The following MEN1 variants were observed in gnomAD, a reference collection of about 807,000 sequenced individuals.
MEN1 encodes menin 1.
In MEN1, 6 loss-of-function variants were observed where a neutral mutation model predicts 58.0. That is an observed-to-expected ratio of 0.10 (90% confidence interval 0.06 to 0.20). The LOEUF (loss-of-function observed/expected upper bound fraction) is 0.20. MEN1 is among the 10% of genes least tolerant of loss of function. MEN1 has a pLI of 1.00. For synonymous variants in MEN1, 346 were observed against 350.7 expected, an observed-to-expected ratio of 0.99 and a Z score of 0.15; for missense variants, 492 against 818.5, an observed-to-expected ratio of 0.60 and a Z score of 4.87.
At position 64,804,839 on chromosome 11, in the gene MEN1, G is replaced by A. The variant is rs977303482; in HGVS notation, c.1351-23C>T. ...CACCTGGGCCAGTGGGGAGAGCAAG[G>A]TGAGAGCAAGGTTGCCGGCCAGTGG... is the stretch of plus-strand genomic sequence containing the variant. On this transcript the variant is annotated intron_variant, in intron 9 of 9. Coordinates refer to ENST00000450708, the MANE Select transcript of MEN1 (RefSeq NM_001370259.2). This position sits in a 1 kb window ranked among gnomAD's most constrained non-coding sequence, Gnocchi z 4.2. 1.9e-6 allele frequency: 3 copies of A among 1,596,562 alleles called. No homozygotes were observed. Among genetic ancestry groups the A allele is most frequent in the Non-Finnish European group, 2.5e-6 (3 of 1,178,774 alleles).
chr11:64,804,002 G>T lies in MEN1; in HGVS notation c.*332C>A. ...CTGGGAGGAGCCCTGAGTAACGTTG[G>T]TCTGGCTCTAGGTGAGCGGTTCCGA... On this transcript the variant is annotated 3_prime_UTR_variant, in exon 10 of 10. Coordinates refer to ENST00000450708, the MANE Select transcript of MEN1 (RefSeq NM_001370259.2). This position sits in a 1 kb window ranked among gnomAD's most constrained non-coding sequence, Gnocchi z 4.2. 2.3e-6 allele frequency: 1 copy of T among 439,114 alleles called. No homozygotes were observed. The highest frequency in any genetic ancestry group is 4.2e-6 in the Non-Finnish European group (1 of 237,784). The allele number at this position is 439,114 out of a possible 1,614,324, so 27.2% of individuals were successfully genotyped here.
At chr11:64,805,550 C>T in intron 8 of MEN1, 85 bp downstream of exon 8, 3 of 1,547,376 alleles carry the variant, frequency 1.9e-6, no homozygotes, top group South Asian at 1.1e-5. Flanking sequence ...CATCCCTAAT[C>T]CCGTACATGC....
rs1318120851 is a variant in MEN1 at position 64,807,355 on chromosome 11, C to T, written c.784-136G>A. The T allele has an allele frequency of 8.7e-7, 1 of 1,154,238 alleles. No homozygotes were observed. The highest frequency in any genetic ancestry group is 1.5e-5 in the African/African-American group (1 of 65,736). 71.5% of individuals were successfully genotyped at this position (1,154,238 alleles called of 1,614,324 possible). On this transcript the variant is annotated intron_variant, in intron 4 of 9. Coordinates refer to ENST00000450708, the MANE Select transcript of MEN1 (RefSeq NM_001370259.2). The surrounding 1 kb of genome is among the most constrained non-coding windows in gnomAD (Gnocchi z 4.9). ...AAGGGCCAAAATTCTGGGACCAGCC[C>T]TTTAATGGAGTCAAAGCAATTTCAC... is the stretch of plus-strand genomic sequence containing the variant.
In MEN1 at chr11:64,807,874, G is replaced by C. The variant is rs764070489; in HGVS notation, c.654+17C>G. On this transcript the variant is annotated intron_variant, in intron 3 of 9. Transcript: ENST00000450708. This position sits in a 1 kb window ranked among gnomAD's most constrained non-coding sequence, Gnocchi z 4.9. ...CTACAGTATGAAGGGGACAAGGCTGGGGGGAGGGAACAATACCCGCTCAGC... is the reference window on the plus strand; with the variant it reads ...CTACAGTATGAAGGGGACAAGGCTGCGGGGAGGGAACAATACCCGCTCAGC... 2 of 1,613,732 alleles carry C rather than the reference G, an allele frequency of 1.2e-6. No homozygotes were observed. The highest frequency in any genetic ancestry group is 1.7e-6 in the Non-Finnish European group (2 of 1,179,808).
Position 64,807,424 on chromosome 11 carries a change from A to G in MEN1, c.783+128T>C, listed in dbSNP as rs1941809354. ...CAAGAGCCCTGGGAAAGGCCAGGCC[A>G]GGAATTACTAACCCATTTTTCCAGG... On this transcript the variant is annotated intron_variant, in intron 4 of 9. Transcript: ENST00000450708. This position sits in a 1 kb window ranked among gnomAD's most constrained non-coding sequence, Gnocchi z 4.9. The G allele has an allele frequency of 4.4e-6, 5 of 1,131,882 alleles. No homozygotes were observed. The highest frequency in any genetic ancestry group is 2.0e-5 in the Admixed American group (1 of 50,640). The allele number at this position is 1,131,882 out of a possible 1,614,324, so 70.1% of individuals were successfully genotyped here.
intron 2 of MEN1, among the ~76,000 whole-genome samples, 153 bp from the exon 3 acceptor site, chr11:64,808,252 C>T (rs1941886139): frequency 6.6e-6 from 1 of 152,206 alleles, no homozygotes; most frequent in African/African-American, 2.4e-5. Context: ...CATCCCTTCC[C>T]TCCCACGTGT....
intron 2 of MEN1, 39 bp from the exon 3 acceptor site, chr11:64,808,138 C>A: frequency 6.4e-7 from 1 of 1,553,670 alleles, no homozygotes; most frequent in Middle Eastern, 1.7e-4. Flanking sequence ...GTCCTCTGTG[C>A]TTTAACATGG....
Position 64,804,618 on chromosome 11 carries a change from T to G in MEN1, c.1549A>C (p.Lys517Gln). 6.2e-7 allele frequency: 1 copy of G among 1,608,276 alleles called. No individual in the cohort carries two copies. The highest frequency in any genetic ancestry group is 8.5e-7 in the Non-Finnish European group (1 of 1,178,694). Residue 517 changes from lysine to glutamine, a missense_variant, in exon 10 of 10, where the codon AAG becomes CAG. Physicochemically the swap from Lys to Gln is moderately conservative, Grantham distance 53 (BLOSUM62 1). Transcript: ENST00000450708. The surrounding 1 kb of genome is among the most constrained non-coding windows in gnomAD (Gnocchi z 4.2). ...GQGAVSGPPR[K>Q]PPGTVAGTAR... ...GTGCCAGCGACAGTCCCAGGAGGCT[T>G]CCGGGGGGGTCCTGACACTGCACCC...
chr11:64,809,664 C>T lies in MEN1; in HGVS notation c.445+1G>A. 1.2e-6 allele frequency: 2 copies of T among 1,614,052 alleles called. No homozygotes were observed. The highest frequency in any genetic ancestry group is 1.7e-6 in the Non-Finnish European group (2 of 1,179,926). ...AAGATTCCCACCTACTGGGCTCCAA[C>T]CTGTGATGAAGCTGAAGAGGGACTG... is the stretch of plus-strand genomic sequence containing the variant. On this transcript the variant is annotated splice_donor_variant, in intron 2 of 9. Coordinates refer to ENST00000450708, the MANE Select transcript of MEN1 (RefSeq NM_001370259.2). LOFTEE classifies it high-confidence loss of function.
chr11:64,805,995 T>C lies in MEN1; in HGVS notation c.1050-225A>G, dbSNP rs942876693. The C allele has an allele frequency of 9.3e-6, 6 of 646,460 alleles. No homozygotes were observed. The East Asian group carries it at 1.6e-4, about 18-fold the overall frequency. The allele number at this position is 646,460 out of a possible 1,614,324, so 40.0% of individuals were successfully genotyped here. On this transcript the variant is annotated intron_variant, in intron 7 of 9. Coordinates refer to ENST00000450708, the MANE Select transcript of MEN1 (RefSeq NM_001370259.2). ...ACTGCTGGATGATGGTGGTTAAACA[T>C]TGGAGATTTGAGACTGTTCTGAGAA...
rs2136147386 is a variant in MEN1 at position 64,807,870 on chromosome 11, G to T, written c.654+21C>A. The stretch of plus-strand genomic sequence containing the variant: ...GCTACTACAGTATGAAGGGGACAAG[G>T]CTGGGGGGAGGGAACAATACCCGCT... On this transcript the variant is annotated intron_variant, in intron 3 of 9. Transcript: ENST00000450708. This position sits in a 1 kb window ranked among gnomAD's most constrained non-coding sequence, Gnocchi z 4.9. The T allele has an allele frequency of 6.2e-7, 1 of 1,613,678 alleles. No homozygotes were observed. Among genetic ancestry groups the T allele is most frequent in the African/African-American group, 1.3e-5 (1 of 75,020 alleles).
At chr11:64,809,576 G>A in intron 2 of MEN1, 89 bp downstream of exon 2, 1 of 1,515,830 alleles carries the variant, frequency 6.6e-7, no homozygotes, top group Admixed American at 1.8e-5. Context: ...AACCTCACAA[G>A]GCTTACAGTT....
chr11:64,806,910 C>T (rs555833671), intron 6 of MEN1, 101 bp downstream of exon 6: 7 of 1,016,426 alleles, frequency 6.9e-6, no homozygotes, highest in African/African-American at 4.8e-5. Flanking sequence ...ATGGGCGATA[C>T]CCCCCAACAC....
intron 2 of MEN1, among the ~76,000 whole-genome samples, chr11:64,809,342 C>T (rs1324137373): frequency 6.6e-6 from 1 of 151,780 alleles, no homozygotes; most frequent in African/African-American, 2.4e-5. Flanking sequence ...CATCTTCTTG[C>T]CCCCTAAATC....
At chr11:64,805,798 G>T in intron 7 of MEN1, 28 bp from the exon 8 acceptor site, 3 of 1,613,774 alleles carry the variant, frequency 1.9e-6, no homozygotes, top group South Asian at 1.1e-5. Flanking sequence ...TCTCTGTAGG[G>T]TCTGAAGGGG....
intron 6 of MEN1, 41 bp from the exon 7 acceptor site, chr11:64,806,409 C>CCAGCTGCCCTGCTGGCA (rs1431003498): frequency 6.2e-7 from 1 of 1,613,050 alleles, no homozygotes; most frequent in Non-Finnish European, 8.5e-7. Context: ...GGAGGCAGCC[C>CCAGCTGCCCTGCTGGCA]CAGCTGCCCT....
intron 2 of MEN1, among the ~76,000 whole-genome samples, chr11:64,808,571 T>C (rs530042428): frequency 1.6e-4 from 24 of 152,350 alleles, no homozygotes; most frequent in Admixed American, 8.5e-4. Flanking sequence ...CAGGATGGGA[T>C]TGCCAGTCAA....
chr11:64,809,683 G>C lies in MEN1; in HGVS notation c.427C>G (p.Leu143Val). The change falls in exon 2 of 10, where the codon CTC (leucine) becomes GTC (valine). Residue 143 changes from leucine (L) to valine (V), a missense_variant. Leu to Val is a conservative substitution (Grantham distance 32, BLOSUM62 1). Coordinates refer to ENST00000450708, the MANE Select transcript of MEN1 (RefSeq NM_001370259.2). ...CTCCAACCTGTGATGAAGCTGAAGA[G>C]GGACTGGATGTGGGCCCGATCCTTG... ...YFKDRAHIQS[L>V]FSFITGTKLD... The C allele has an allele frequency of 6.2e-7, 1 of 1,614,178 alleles. No homozygotes were observed. Among genetic ancestry groups the C allele is most frequent in the Non-Finnish European group, 8.5e-7 (1 of 1,180,000 alleles).
intron 2 of MEN1, 143 bp from the exon 3 acceptor site, chr11:64,808,242 C>T: frequency 1.4e-6 from 1 of 736,658 alleles, no homozygotes; most frequent in Admixed American, 2.2e-5. Flanking sequence ...ACTATCCCTC[C>T]ATCCCTTCCC....
Sources: allele counts gnomAD v4.1 joint callset (sites outside exome capture counted in the v4.1 genomes callset), GRCh38; gene constraint gnomAD v4.1.1; non-coding constraint Gnocchi (gnomAD v3.1); transcripts MANE v1.5; gene names NCBI Gene and HGNC (gene_info 2026-07-23, HGNC 2026-07-21).